Variants in ZBTB20 observed in about 807,000 individuals in gnomAD.
ZBTB20 encodes zinc finger and BTB domain containing 20.
Under a neutral mutation model 56.9 loss-of-function variants are expected in ZBTB20, and 9 were observed. The ratio of observed to expected loss-of-function variants is 0.16; its 90% CI spans 0.10 to 0.28. The LOEUF (loss-of-function observed/expected upper bound fraction) is 0.28. ZBTB20 is among the 10% of genes least tolerant of loss of function. The probability of loss-of-function intolerance (pLI) is 1.00; values close to 1 mark genes in which losing one functional copy is unlikely to be tolerated. For synonymous variants in ZBTB20, 417 were observed against 420.7 expected, an observed-to-expected ratio of 0.99 and a Z score of 0.11; for missense variants, 655 against 1,003.0, an observed-to-expected ratio of 0.65 and a Z score of 4.69.
intron 6 of ZBTB20, among the ~76,000 whole-genome samples, chr3:114,551,152 T>C (rs954638397): frequency 1.3e-5 from 2 of 152,224 alleles, no homozygotes; most frequent in Non-Finnish European, 2.9e-5. Context: ...AATCGATTGT[T>C]TTTTAATCGA....
intron 7 of ZBTB20, among the ~76,000 whole-genome samples, chr3:114,451,337 T>C (rs2091595115): frequency 6.6e-6 from 1 of 152,092 alleles, no homozygotes; most frequent in Non-Finnish European, 1.5e-5. Context: ...TATACTGCTG[T>C]GCATGCTGAT....
At chr3:114,421,240 A>T (rs1372152618) in intron 7 of ZBTB20, among the ~76,000 whole-genome samples, 1 of 152,146 alleles carries the variant, frequency 6.6e-6, no homozygotes, top group Admixed American at 6.6e-5. Context: ...GCCCAGCAAG[A>T]CAAGATGAGC....
chr3:114,959,290 T>A (rs1576426338), intron 3 of ZBTB20, among the ~76,000 whole-genome samples: 1 of 152,168 alleles, frequency 6.6e-6, no homozygotes, highest in African/African-American at 2.4e-5. Flanking sequence ...AGAATTGGAA[T>A]GAAGAATATC....
chr3:115,083,357 A>G (rs2082865558), intron 1 of ZBTB20, among the ~76,000 whole-genome samples: 1 of 152,026 alleles, frequency 6.6e-6, no homozygotes, highest in South Asian at 2.1e-4. Context: ...CACTATATCT[A>G]TATAGTCTTT....
chr3:114,551,734 T>C (rs966959885), intron 6 of ZBTB20, among the ~76,000 whole-genome samples: 4 of 152,350 alleles, frequency 2.6e-5, no homozygotes, highest in South Asian at 2.1e-4. Flanking sequence ...ATGTTCAATA[T>C]GAAGTATTTT....
chr3:114,869,980 T>A (rs910499664), intron 4 of ZBTB20, among the ~76,000 whole-genome samples: 1 of 152,154 alleles, frequency 6.6e-6, no homozygotes, highest in African/African-American at 2.4e-5. Context: ...CTTCACACAA[T>A]CCTTGAAATC....
intron 7 of ZBTB20, among the ~76,000 whole-genome samples, chr3:114,420,609 C>T (rs111724255): frequency 2.0e-5 from 3 of 152,214 alleles, no homozygotes; most frequent in African/African-American, 7.2e-5. Context: ...CAGTCTTTCC[C>T]ATGTCAAGAC....
At chr3:114,921,010 A>G (rs2075937125) in intron 3 of ZBTB20, among the ~76,000 whole-genome samples, 1 of 152,256 alleles carries the variant, frequency 6.6e-6, no homozygotes, top group Non-Finnish European at 1.5e-5. Flanking sequence ...TCCTAGAAAC[A>G]TATAAGATGC....
At chr3:115,088,149 T>G (rs1307535192) in intron 1 of ZBTB20, among the ~76,000 whole-genome samples, 1 of 151,890 alleles carries the variant, frequency 6.6e-6, no homozygotes, top group Non-Finnish European at 1.5e-5. Context: ...AATAAATCAC[T>G]GACCAAATTT....
At chr3:114,792,032 T>C (rs1455719887) in intron 5 of ZBTB20, 1 of 152,152 alleles carries the variant, frequency 6.6e-6, no homozygotes, top group East Asian at 1.9e-4. Context: ...TGTAACACTC[T>C]TTATTGTTCC....
intron 3 of ZBTB20, among the ~76,000 whole-genome samples, chr3:114,916,530 CCTTT>C (rs1481139438): frequency 1.3e-5 from 2 of 152,036 alleles, no homozygotes; most frequent in Non-Finnish European, 2.9e-5. Flanking sequence ...CATTAACATC[CCTTT>C]CTTTCTAATT....
At chr3:114,761,053 A>T (rs2068399181) in intron 5 of ZBTB20, among the ~76,000 whole-genome samples, 1 of 152,312 alleles carries the variant, frequency 6.6e-6, no homozygotes, top group Admixed American at 6.5e-5. Flanking sequence ...ACTATACAGA[A>T]TTCTTGGTGT....
intron 6 of ZBTB20, among the ~76,000 whole-genome samples, chr3:114,674,308 C>A (rs568038479): frequency 1.3e-5 from 2 of 152,138 alleles, no homozygotes; most frequent in South Asian, 2.1e-4. Flanking sequence ...TTCTAACAAT[C>A]GGGCAAGAAA....
chr3:114,741,929 A>G (rs2066629460), intron 5 of ZBTB20, among the ~76,000 whole-genome samples: 1 of 151,974 alleles, frequency 6.6e-6, no homozygotes, highest in Non-Finnish European at 1.5e-5. Flanking sequence ...ATCAGGGAAA[A>G]TGGGAAAATG....
At chr3:114,645,575 T>C (rs2059791257) in intron 6 of ZBTB20, among the ~76,000 whole-genome samples, 1 of 152,206 alleles carries the variant, frequency 6.6e-6, no homozygotes, top group African/African-American at 2.4e-5. Flanking sequence ...TTACAATGCA[T>C]AGCATTGTTG....
chr3:114,492,903 G>T (rs1390879935), intron 7 of ZBTB20, among the ~76,000 whole-genome samples: 2 of 152,166 alleles, frequency 1.3e-5, no homozygotes, highest in Non-Finnish European at 2.9e-5. Flanking sequence ...GTATGTGAGT[G>T]TATATTTAGT....
chr3:114,620,391 C>G (rs536765143), intron 6 of ZBTB20, among the ~76,000 whole-genome samples: 1 of 152,100 alleles, frequency 6.6e-6, no homozygotes, highest in South Asian at 2.1e-4. Flanking sequence ...CTCCTAGGTT[C>G]TAGCGATTCT....
At chr3:114,988,717 A>C (rs1362539591) in intron 2 of ZBTB20, among the ~76,000 whole-genome samples, 1 of 152,152 alleles carries the variant, frequency 6.6e-6, no homozygotes, top group Non-Finnish European at 1.5e-5. Flanking sequence ...AGTCCCACCA[A>C]CAGTGTAAAA....
chr3:114,930,911 G>A (rs989549433), intron 3 of ZBTB20: 18 of 209,930 alleles, frequency 8.6e-5, no homozygotes, highest in Admixed American at 2.4e-4. Context: ...ATAGCAGTAA[G>A]TATGCAGCTG....
Sources: gnomAD v4.1 joint callset for allele counts (sites outside exome capture counted in the v4.1 genomes callset) on GRCh38, gnomAD v4.1.1 for gene constraint, MANE v1.5 for transcripts, NCBI Gene and HGNC (gene_info 2026-07-23, HGNC 2026-07-21) for gene names.